Variants in TMEM156 observed in about 807,000 individuals in gnomAD.
TMEM156 encodes the protein transmembrane protein 156.
In TMEM156, 28 loss-of-function variants were observed where a neutral mutation model predicts 30.5. That is an observed-to-expected ratio of 0.92 (90% CI 0.68 to 1.26). The LOEUF is 1.26. Ranked by LOEUF, TMEM156 falls within the 50% of genes most tolerant of loss-of-function variation. TMEM156 has a pLI of 0.00. For synonymous variants in TMEM156, 137 were observed against 119.9 expected (o/e 1.14, Z -0.93); for missense variants, 351 against 340.6 (o/e 1.03, Z -0.24).
At chr4:39,007,448 T>C (rs1248374025) in intron 1 of TMEM156, among the ~76,000 whole-genome samples, 1 of 151,946 alleles carries the variant, frequency 6.6e-6, no homozygotes, top group East Asian at 1.9e-4. Flanking sequence ...TATCTATTTT[T>C]TATTTTTTTA....
At chr4:39,013,605 TTGG>T (rs1714278332) in intron 1 of TMEM156, among the ~76,000 whole-genome samples, 1 of 151,914 alleles carries the variant, frequency 6.6e-6, no homozygotes, top group South Asian at 2.1e-4. Context: ...TTTCACCATG[TTGG>T]CCAGGATGGT....
At chr4:39,004,508 C>A (rs1346479457) in intron 1 of TMEM156, among the ~76,000 whole-genome samples, 3 of 152,012 alleles carry the variant, frequency 2.0e-5, no homozygotes, top group African/African-American at 7.2e-5. Flanking sequence ...ATTTGAAGCA[C>A]CCCTATCTCT....
At chr4:38,994,270 G>A (rs1712762909) in intron 2 of TMEM156, among the ~76,000 whole-genome samples, 1 of 152,086 alleles carries the variant, frequency 6.6e-6, no homozygotes, top group Admixed American at 6.5e-5. Flanking sequence ...GACTACAGGT[G>A]TATGCCACTA....
intron 4 of TMEM156, among the ~76,000 whole-genome samples, chr4:38,988,013 C>G (rs1035076100): frequency 1.3e-5 from 2 of 152,054 alleles, no homozygotes; most frequent in African/African-American, 4.8e-5. Context: ...AGCATCATAC[C>G]AGTAATTTAC....
intron 6 of TMEM156, among the ~76,000 whole-genome samples, chr4:38,969,268 T>C (rs1470400420): frequency 1.3e-5 from 2 of 152,218 alleles, no homozygotes; most frequent in Non-Finnish European, 2.9e-5. Flanking sequence ...CTGTTCTCTA[T>C]CTTTCCACTC....
chr4:39,005,284 G>C (rs995778638), intron 1 of TMEM156, among the ~76,000 whole-genome samples: 2 of 152,184 alleles, frequency 1.3e-5, no homozygotes, highest in African/African-American at 4.8e-5. Flanking sequence ...GATGTTGAGG[G>C]AGGGACCTGG....
At chr4:38,968,508 T>C (rs1014164329) in intron 6 of TMEM156, among the ~76,000 whole-genome samples, 1 of 152,190 alleles carries the variant, frequency 6.6e-6, no homozygotes, top group Non-Finnish European at 1.5e-5. Context: ...TGAGTAGGAT[T>C]CTCAACATAC....
At chr4:39,007,522 C>T (rs186961453) in intron 1 of TMEM156, among the ~76,000 whole-genome samples, 203 of 152,236 alleles carry the variant, frequency 1.3e-3, no homozygotes, top group African/African-American at 4.6e-3. Flanking sequence ...TCTTGGCTAA[C>T]TGCATAACTG....
chr4:38,974,206 T>TC (rs1199779698), intron 5 of TMEM156, among the ~76,000 whole-genome samples: 1 of 126,046 alleles, frequency 7.9e-6, no homozygotes, highest in Non-Finnish European at 1.7e-5. Context: ...TTTCTTTCTC[T>TC]CTTTTTTTTT....
intron 1 of TMEM156, among the ~76,000 whole-genome samples, chr4:39,006,447 A>AT (rs555775443): frequency 1.9e-3 from 283 of 151,780 alleles, no homozygotes; most frequent in Middle Eastern, 6.8e-3. Flanking sequence ...TTATCTATTT[A>AT]TTTTTTTTGA....
chr4:39,025,533 A>T (rs971027395), intron 1 of TMEM156, among the ~76,000 whole-genome samples: 5 of 152,170 alleles, frequency 3.3e-5, no homozygotes, highest in Non-Finnish European at 7.3e-5. Flanking sequence ...CAGCCAGATC[A>T]GGAGCAAGGG....
intron 5 of TMEM156, among the ~76,000 whole-genome samples, chr4:38,981,321 A>G (rs1476559257): frequency 6.6e-6 from 1 of 152,162 alleles, no homozygotes; most frequent in Non-Finnish European, 1.5e-5. Context: ...TTTGACATTT[A>G]GTAATTCTCT....
chr4:38,973,781 C>A (rs958942163), intron 5 of TMEM156, among the ~76,000 whole-genome samples: 1 of 152,128 alleles, frequency 6.6e-6, no homozygotes, highest in Admixed American at 6.6e-5. Context: ...CTCGGCAGGG[C>A]ACGCTTTTAG....
chr4:38,999,873 C>T (rs562472767), intron 1 of TMEM156, among the ~76,000 whole-genome samples: 1 of 152,310 alleles, frequency 6.6e-6, no homozygotes, highest in Admixed American at 6.5e-5. Flanking sequence ...ATCTCAAGAC[C>T]TTCAACTTAG....
chr4:39,000,085 G>A (rs987791792), intron 1 of TMEM156, among the ~76,000 whole-genome samples: 2 of 151,292 alleles, frequency 1.3e-5, no homozygotes, highest in African/African-American at 4.8e-5. Context: ...ATAATACTGA[G>A]TTCAGAAACA....
intron 4 of TMEM156, among the ~76,000 whole-genome samples, chr4:38,987,453 C>T (rs910642082): frequency 2.6e-5 from 4 of 152,160 alleles, no homozygotes; most frequent in Non-Finnish European, 5.9e-5. Flanking sequence ...ACTAAGGTAT[C>T]AATGATAACA....
rs576412540 is a variant in TMEM156 at position 39,029,285 on chromosome 4, GA to G, written c.88+2940del. Reference sequence around the variant, plus strand: ...AAGTGAATAGAACATGAGAAAAAATGAAAAAAAAGGACAAGAAACGAATGGA... The same window carrying G: ...AAGTGAATAGAACATGAGAAAAAATGAAAAAAAGGACAAGAAACGAATGGA... On this transcript the variant is annotated intron_variant, in intron 1 of 6. Transcript: ENST00000381938. 1.5e-4 allele frequency among the ~76,000 whole-genome samples: 23 copies of G among 151,264 alleles called. 1 individual carries two copies. Among genetic ancestry groups the G allele is most frequent in the African/African-American group, 4.8e-4 (20 of 41,328 alleles).
chr4:38,997,615 G>T (rs1352703939), intron 2 of TMEM156, among the ~76,000 whole-genome samples: 2 of 152,100 alleles, frequency 1.3e-5, no homozygotes, highest in African/African-American at 4.8e-5. Flanking sequence ...TTTGATGTTT[G>T]GGCTTGAGGC....
chr4:38,974,711 G>A (rs1358370756), intron 5 of TMEM156, among the ~76,000 whole-genome samples: 1 of 144,178 alleles, frequency 6.9e-6, no homozygotes, highest in African/African-American at 2.6e-5. Flanking sequence ...CATTCTTGTC[G>A]CCCAGGCTAG....
Sources: allele counts gnomAD v4.1 joint callset (sites outside exome capture counted in the v4.1 genomes callset), GRCh38; gene constraint gnomAD v4.1.1; transcripts MANE v1.5; gene names NCBI Gene and HGNC (gene_info 2026-07-23, HGNC 2026-07-21).